CYGB: variants seen among roughly 807,000 people sequenced by gnomAD.
CYGB encodes histoglobin.
Under a neutral mutation model 20.7 loss-of-function variants are expected in CYGB, and 13 were observed. The ratio of observed to expected loss-of-function variants is 0.63; its 90% confidence interval spans 0.41 to 1.00. CYGB has a LOEUF of 1.00. Among genes scored for constraint, CYGB ranks in the 50% least tolerant of loss-of-function variants. The pLI, the probability that CYGB is intolerant of heterozygous loss-of-function variation, is 0.00. For missense variants in CYGB, 218 were observed against 257.2 expected, an observed-to-expected ratio of 0.85 and a Z score of 1.04; for synonymous variants, 93 against 107.4, an observed-to-expected ratio of 0.87 and a Z score of 0.83.
chr17:76,536,938 A>G (rs952293199), intron 1 of CYGB, among the ~76,000 whole-genome samples: 1 of 152,130 alleles, frequency 6.6e-6, no homozygotes, highest in Non-Finnish European at 1.5e-5. Flanking sequence ...TGTTCTTCCA[A>G]GAGGCTTTGA....
chr17:76,529,014 G>A (rs2074799659), intron 3 of CYGB: 5 of 994,122 alleles, frequency 5.0e-6, no homozygotes, highest in South Asian at 4.7e-5. Context: ...TCGTATTCTC[G>A]GTACACACAG....
At chr17:76,544,393 G>T (rs1265164231) in intron 1 of CYGB, 1 of 454,912 alleles carries the variant, frequency 2.2e-6, no homozygotes, top group Non-Finnish European at 4.4e-6. Flanking sequence ...GCAGAGCAGA[G>T]GGAACCGCTG....
intron 1 of CYGB, among the ~76,000 whole-genome samples, chr17:76,536,755 C>A (rs567312369): frequency 6.6e-6 from 1 of 152,250 alleles, no homozygotes; most frequent in African/African-American, 2.4e-5. Context: ...CTCTTCTTCC[C>A]CTCACCCTCC....
At position 76,546,253 on chromosome 17, in the gene CYGB, C is replaced by T. The variant is rs4238996; in HGVS notation, c.-53+4609G>A. The stretch of plus-strand genomic sequence containing the variant: ...CAGGAGCAGGGAGGTGCTGCTCCTG[C>T]AACTGAGGCTCAGAGCGGCTGCCAG... On this transcript the variant is annotated intron_variant, in intron 1 of 3. Transcript: ENST00000589145. The surrounding 1 kb of genome is among the most constrained non-coding windows in gnomAD (Gnocchi z 4.5). 0.63 allele frequency: 95,864 copies of T among 151,978 alleles called. 33,750 individuals are homozygous for T. Among genetic ancestry groups the T allele is most frequent in the East Asian group, 0.87 (4,513 of 5,164 alleles). 9.4% of individuals were successfully genotyped at this position (151,978 alleles called of 1,614,324 possible).
rs534056392 is a variant in CYGB, at chr17:76,535,121, A to G, written c.143+2279T>C. Among the ~76,000 whole-genome samples the G allele has an allele frequency of 2.8e-4, 43 of 152,276 alleles. No homozygotes were observed. In the South Asian group the frequency reaches 8.9e-3, roughly 32 times the overall value. On this transcript the variant is annotated intron_variant, in intron 1 of 3. Coordinates refer to ENST00000293230, the MANE Select transcript of CYGB (RefSeq NM_134268.5). Reference sequence around the variant, plus strand: ...GGTCTCCTCCCTGGCAGGGAATGGAAGTGTGGGGTCTGCCTCAGGCTCTAA... The same window carrying G: ...GGTCTCCTCCCTGGCAGGGAATGGAGGTGTGGGGTCTGCCTCAGGCTCTAA...
rs4648337 is a variant in CYGB, at chr17:76,531,715, C to A, written c.144-24G>T. 6.4e-7 allele frequency: 1 copy of A among 1,564,598 alleles called. No individual in the cohort carries two copies. Among genetic ancestry groups the A allele is most frequent in the South Asian group, 1.2e-5 (1 of 85,538 alleles). ...ACCTGGCAAGAGGAACAGGGGTGGT[C>A]GCTGAAGCTGGAGGCTGCCTCGGGC... is the stretch of plus-strand genomic sequence containing the variant. On this transcript the variant is annotated intron_variant, in intron 1 of 3. Transcript: ENST00000293230. The surrounding 1 kb of genome is among the most constrained non-coding windows in gnomAD (Gnocchi z 7.4).
chr17:76,532,606 G>C (rs889027356), intron 1 of CYGB, among the ~76,000 whole-genome samples: 1 of 146,380 alleles, frequency 6.8e-6, no homozygotes, highest in Non-Finnish European at 1.5e-5. Flanking sequence ...ATCTTGGCTC[G>C]CTGCAACCTC....
chr17:76,539,888 C>T (rs1598210745), upstream of CYGB: 4 of 583,390 alleles, frequency 6.9e-6, no homozygotes, highest in East Asian at 2.8e-5. Context: ...ATCGAGACTC[C>T]GAATACGTGC....
intron 1 of CYGB, chr17:76,545,805 G>A (rs1223827406): frequency 2.6e-5 from 5 of 193,116 alleles, no homozygotes; most frequent in African/African-American, 1.2e-4. Context: ...GGTTTGAACT[G>A]TAAATTACTG....
chr17:76,550,825 T>C (rs1414750067), intron 1 of CYGB: 1 of 152,228 alleles, frequency 6.6e-6, no homozygotes, highest in East Asian at 1.9e-4. Context: ...TCAAAGTATG[T>C]TGAAATAACA....
chr17:76,549,660 T>TG (rs1464866293), intron 1 of CYGB, among the ~76,000 whole-genome samples: 1 of 152,186 alleles, frequency 6.6e-6, no homozygotes, highest in Non-Finnish European at 1.5e-5. Context: ...AGCTCCAAAC[T>TG]GGAAACAACC....
Position 76,537,477 on chromosome 17 carries a change from C to A in CYGB, c.66G>T (p.Ala22=), listed in dbSNP as rs1199776421. Residue 22 remains alanine (A), a synonymous_variant, in exon 1 of 4, where the codon GCG becomes GCT. Coordinates refer to ENST00000293230, the MANE Select transcript of CYGB (RefSeq NM_134268.5). ...RRERSEELSE[A]ERKAVQAMWA... ...ACATAGCCTGCACCGCCTTCCTCTCCGCCTCGGACAGCTCCTCGCTCCGCT... is the reference window on the plus strand; with the variant it reads ...ACATAGCCTGCACCGCCTTCCTCTCAGCCTCGGACAGCTCCTCGCTCCGCT... 1.3e-6 allele frequency: 2 copies of A among 1,593,636 alleles called. No individual in the cohort carries two copies. The highest frequency in any genetic ancestry group is 3.4e-5 in the Admixed American group (2 of 58,564).
In CYGB at chr17:76,530,878, C is replaced by G. The variant is rs1216263215; in HGVS notation, c.539+101G>C. 10 of 1,355,162 alleles carry G rather than the reference C, an allele frequency of 7.4e-6. No homozygotes were observed. The Admixed American group carries it at 2.5e-4, about 33-fold the overall frequency. 83.9% of individuals were successfully genotyped at this position (1,355,162 alleles called of 1,614,324 possible). A position where few individuals can be genotyped will look rare whatever the true frequency, so the allele number is the denominator to read the frequency against. On this transcript the variant is annotated intron_variant, in intron 3 of 3. Transcript: ENST00000293230. This position sits in a 1 kb window ranked among gnomAD's most constrained non-coding sequence, Gnocchi z 6.1. ...TTGGCCTGCCTCAAGTGTGCCTGCC[C>G]AGGTGATCAGCCCCAGGGCCTCAGG...
chr17:76,539,441 TTTA>T (rs2074960954), upstream of CYGB, among the ~76,000 whole-genome samples: 1 of 152,214 alleles, frequency 6.6e-6, no homozygotes, highest in Non-Finnish European at 1.5e-5. Context: ...AATTCTGCCT[TTTA>T]CTGAAGAGGG....
At chr17:76,529,288 C>G in intron 3 of CYGB, 3 of 985,414 alleles carry the variant, frequency 3.0e-6, no homozygotes, top group Non-Finnish European at 3.6e-6. Context: ...GATGAGGGGA[C>G]CACCCCACCA....
At chr17:76,535,330 G>A (rs1309436074) in intron 1 of CYGB, among the ~76,000 whole-genome samples, 1 of 152,218 alleles carries the variant, frequency 6.6e-6, no homozygotes, top group Non-Finnish European at 1.5e-5. Flanking sequence ...CCTTGAGGAT[G>A]TGTATGTTGT....
At chr17:76,544,320 ACAG>A (rs1306255611) in intron 1 of CYGB, 9 of 454,264 alleles carry the variant, frequency 2.0e-5, no homozygotes, top group Non-Finnish European at 3.5e-5. Flanking sequence ...AGTTCTCTAG[ACAG>A]CAGCACTTCA....
upstream of CYGB, chr17:76,540,050 C>A (rs1258571667): frequency 7.6e-7 from 1 of 1,318,964 alleles, no homozygotes; most frequent in Non-Finnish European, 1.1e-6. This position sits in a 1 kb window ranked among gnomAD's most constrained non-coding sequence, Gnocchi z 5.0. Flanking sequence ...GGACAGACGG[C>A]AGTGGCTCCT....
At chr17:76,544,196 C>T (rs909803223) in intron 1 of CYGB, 2 of 454,550 alleles carry the variant, frequency 4.4e-6, no homozygotes, top group Non-Finnish European at 8.8e-6. Context: ...TCAAAAACCC[C>T]CCGTGCCTCT....
Sources: gnomAD v4.1 joint callset for allele counts (sites outside exome capture counted in the v4.1 genomes callset) on GRCh38, gnomAD v4.1.1 for gene constraint, Gnocchi (gnomAD v3.1) non-coding constraint, MANE v1.5 for transcripts, NCBI Gene and HGNC (gene_info 2026-07-23, HGNC 2026-07-21) for gene names.